RNF32: variants seen among roughly 807,000 people sequenced by gnomAD.
RNF32 encodes the protein ring finger protein 32.
Under a neutral mutation model 41.0 loss-of-function variants are expected in RNF32, and 36 were observed. That is an observed-to-expected ratio of 0.88 (90% CI 0.67 to 1.16). The LOEUF (loss-of-function observed/expected upper bound fraction) is 1.16. Ranked by LOEUF, RNF32 falls within the 50% of genes most tolerant of loss-of-function variation. The probability of loss-of-function intolerance (pLI) is 0.00; values close to 1 mark genes in which losing one functional copy is unlikely to be tolerated. For synonymous variants in RNF32, 154 were observed against 160.9 expected, an observed-to-expected ratio of 0.96 and a Z score of 0.32; for missense variants, 413 against 436.7, an observed-to-expected ratio of 0.95 and a Z score of 0.48.
intron 1 of RNF32, among the ~76,000 whole-genome samples, chr7:156,641,365 C>G (rs1390337049): frequency 6.6e-6 from 1 of 152,196 alleles, no homozygotes; most frequent in African/African-American, 2.4e-5. Context: ...CCACCAAGCT[C>G]TGCCTCTTGA....
At position 156,677,067 on chromosome 7, in the gene RNF32, T is replaced by C. The variant is rs1052371016; in HGVS notation, c.*412T>C. The stretch of plus-strand genomic sequence containing the variant: ...ATTCCTAATACTCGTTTTGTAATAA[T>C]TGCTGTATTTCTGTGTAATAAAATA... On this transcript the variant is annotated 3_prime_UTR_variant, in exon 9 of 9. Coordinates refer to ENST00000317955, the MANE Select transcript of RNF32 (RefSeq NM_030936.4). 1.9e-5 allele frequency: 3 copies of C among 161,452 alleles called. No individual in the cohort carries two copies. Among genetic ancestry groups the C allele is most frequent in the Admixed American group, 5.8e-5 (1 of 17,164 alleles). 10.0% of individuals were successfully genotyped at this position (161,452 alleles called of 1,614,324 possible). A position where few individuals can be genotyped will look rare whatever the true frequency, so the allele number is the denominator to read the frequency against.
intron 7 of RNF32, among the ~76,000 whole-genome samples, chr7:156,668,641 C>T (rs1801763636): frequency 6.6e-6 from 1 of 152,260 alleles, no homozygotes; most frequent in Admixed American, 6.5e-5. Context: ...CCCTCCCTCA[C>T]TCCGTGTCTC....
At chr7:156,655,311 A>C (rs1799473348) in intron 4 of RNF32, among the ~76,000 whole-genome samples, 3 of 148,752 alleles carry the variant, frequency 2.0e-5, no homozygotes, top group Non-Finnish European at 3.0e-5. Context: ...GAGAGAGAGA[A>C]TGCATATAGG....
Position 156,673,833 on chromosome 7 carries a change from T to C in RNF32, c.685-1863T>C, listed in dbSNP as rs563385188. 9.9e-5 allele frequency among the ~76,000 whole-genome samples: 15 copies of C among 151,960 alleles called. No individual in the cohort carries two copies. In the South Asian group the frequency reaches 2.9e-3, roughly 29 times the overall value. On this transcript the variant is annotated intron_variant, in intron 7 of 8. Coordinates refer to ENST00000317955, the MANE Select transcript of RNF32 (RefSeq NM_030936.4). The stretch of plus-strand genomic sequence containing the variant: ...GGGAGAGAATTGGAAGAGAACTCCA[T>C]GTCCTCAAAGGCACCTTCAGAAGTC...
intron 4 of RNF32, among the ~76,000 whole-genome samples, chr7:156,656,775 G>C (rs1799745792): frequency 6.6e-6 from 1 of 152,220 alleles, no homozygotes; most frequent in Non-Finnish European, 1.5e-5. Flanking sequence ...CCACCGCTTT[G>C]CTCAGTCTCA....
chr7:156,644,798 T>TA (rs1175834840), intron 3 of RNF32, 41 bp downstream of exon 3: 9 of 1,562,788 alleles, frequency 5.8e-6, no homozygotes, highest in Admixed American at 4.3e-5. Flanking sequence ...TTATTAGGGC[T>TA]AAAAAAATCT....
rs147213817 is a variant in RNF32, at chr7:156,657,046, A to G, written c.418-495A>G. Among the ~76,000 whole-genome samples the G allele has an allele frequency of 8.0e-3, 1,224 of 152,370 alleles. 17 individuals are homozygous for G. Among genetic ancestry groups the G allele is most frequent in the African/African-American group, 0.028 (1,169 of 41,576 alleles). ...TGAGCACACTTTCCCTGCATTTAAA[A>G]AAGAAAAAAGACTCCATGATTTGTT... On this transcript the variant is annotated intron_variant, in intron 4 of 8. Coordinates refer to ENST00000317955, the MANE Select transcript of RNF32 (RefSeq NM_030936.4).
Position 156,658,116 on chromosome 7 carries a change from G to GT in RNF32, c.451-7dup, listed in dbSNP as rs778708337. On this transcript the variant is annotated splice_polypyrimidine_tract_variant and intron_variant, in intron 5 of 8. Transcript: ENST00000317955. The stretch of plus-strand genomic sequence containing the variant: ...TTACTTGTAAAATTTTAAGTGAAAT[G>GT]TTTTTCTTCAGGCATGTCTTCAGGC... 1.2e-6 allele frequency: 2 copies of GT among 1,607,716 alleles called. No homozygotes were observed. The highest frequency in any genetic ancestry group is 8.5e-7 in the Non-Finnish European group (1 of 1,177,908).
Position 156,658,296 on chromosome 7 carries a change from G to A in RNF32, c.575+44G>A, listed in dbSNP as rs544084162. On this transcript the variant is annotated intron_variant, in intron 6 of 8. Coordinates refer to ENST00000317955, the MANE Select transcript of RNF32 (RefSeq NM_030936.4). ...TTTGGCGCTAAGCAGACACAGATCA[G>A]GCTATGACAACTAACTTGTTTTTTG... The A allele has an allele frequency of 2.5e-6, 4 of 1,599,640 alleles. No homozygotes were observed. In the Admixed American group the frequency reaches 5.4e-5, roughly 21 times the overall value.
intron 5 of RNF32, chr7:156,657,793 T>C: frequency 3.3e-6 from 2 of 611,344 alleles, no homozygotes; most frequent in Non-Finnish European, 5.8e-6. Context: ...ATGTAACAGA[T>C]TGTTGTCAGT....
intron 7 of RNF32, chr7:156,660,309 A>G (rs1215848810): frequency 1.0e-6 from 1 of 982,442 alleles, no homozygotes; most frequent in African/African-American, 1.7e-5. Flanking sequence ...AAACAACACC[A>G]TCTAAGAGAT....
chr7:156,658,083 A>G lies in RNF32; in HGVS notation c.451-45A>G, dbSNP rs375353466. 36 of 1,578,298 alleles carry G rather than the reference A, an allele frequency of 2.3e-5. 1 individual carries two copies. Among genetic ancestry groups the G allele is most frequent in the Middle Eastern group, 3.4e-4 (2 of 5,946 alleles). ...AACATTGGAAGTAAAAACGTTGTTTATAAGTAATTACTTGTAAAATTTTAA... is the reference window on the plus strand; with the variant it reads ...AACATTGGAAGTAAAAACGTTGTTTGTAAGTAATTACTTGTAAAATTTTAA... On this transcript the variant is annotated intron_variant, in intron 5 of 8. Transcript: ENST00000317955.
Position 156,676,468 on chromosome 7 carries a change from C to T in RNF32, c.902C>T (p.Ser301Phe), listed in dbSNP as rs764645115. The stretch of plus-strand genomic sequence containing the variant: ...TGCTCCATCTGCCTGGCCCCTCTCT[C>T]CGCTGCTGGCGGTCAGCGCGTGGGT... ...HECSICLAPL[S>F]AAGGQRVGAG... Residue 301 changes from serine (S) to phenylalanine (F), a missense_variant, in exon 9 of 9, where the codon TCC (serine) becomes TTC (phenylalanine). By Grantham distance (155) the Ser-to-Phe change is radical. Transcript: ENST00000317955. 2.2e-5 allele frequency: 36 copies of T among 1,614,098 alleles called. 2 individuals are homozygous for T. The South Asian group carries it at 3.8e-4, about 17-fold the overall frequency.
At position 156,677,000 on chromosome 7, in the gene RNF32, T is replaced by C; in HGVS notation, c.*345T>C. 4.6e-6 allele frequency: 1 copy of C among 215,542 alleles called. No homozygotes were observed. Among genetic ancestry groups the C allele is most frequent in the East Asian group, 1.1e-4 (1 of 9,366 alleles). The allele number at this position is 215,542 out of a possible 1,614,324, so 13.4% of individuals were successfully genotyped here. On this transcript the variant is annotated 3_prime_UTR_variant, in exon 9 of 9. Transcript: ENST00000317955. ...TCCAAATGTAAAACACTCCTTAAGT[T>C]CCAAATGTTTTCCGCTAATAGTCTG...
At position 156,675,869 on chromosome 7, in the gene RNF32, T is replaced by A. The variant is rs566449338; in HGVS notation, c.852+6T>A. 3 of 1,609,882 alleles carry A rather than the reference T, an allele frequency of 1.9e-6. No homozygotes were observed. The South Asian group carries it at 3.3e-5, about 18-fold the overall frequency. On this transcript the variant is annotated splice_donor_region_variant and intron_variant, in intron 8 of 8. Transcript: ENST00000317955. ...GGGAGAAAATCCAAGTGCAGGTAGGTTTGGCTGGCAGCCTGGCAACCAGCA... is the reference window on the plus strand; with the variant it reads ...GGGAGAAAATCCAAGTGCAGGTAGGATTGGCTGGCAGCCTGGCAACCAGCA...
intron 1 of RNF32, among the ~76,000 whole-genome samples, chr7:156,641,789 C>T (rs1463096042): frequency 6.6e-6 from 1 of 152,194 alleles, no homozygotes; most frequent in African/African-American, 2.4e-5. Context: ...AAAATTCTGG[C>T]AGTGATCTTT....
At chr7:156,640,471 TCCCGAACACCCCCGCCAGGCGATC>T, upstream of RNF32, 1 of 360,622 alleles carries the variant, frequency 2.8e-6, no homozygotes, top group Non-Finnish European at 5.4e-6. Context: ...AGCCCGCGGC[TCCCGAACACCCCCGCCAGGCGATC>T]CCCAAAAACG....
intron 7 of RNF32, among the ~76,000 whole-genome samples, chr7:156,661,495 T>G (rs1800664035): frequency 1.3e-5 from 2 of 152,088 alleles, no homozygotes; most frequent in Admixed American, 1.3e-4. Flanking sequence ...AATTTTTGTA[T>G]TTTTTAGTAG....
intron 1 of RNF32, among the ~76,000 whole-genome samples, chr7:156,641,272 C>T (rs1797271018): frequency 6.6e-6 from 1 of 152,142 alleles, no homozygotes; most frequent in South Asian, 2.1e-4. Flanking sequence ...ATCTTTACGT[C>T]GTAGGCTTGG....
Sources: allele counts gnomAD v4.1 joint callset (sites outside exome capture counted in the v4.1 genomes callset), GRCh38; gene constraint gnomAD v4.1.1; transcripts MANE v1.5; gene names NCBI Gene and HGNC (gene_info 2026-07-23, HGNC 2026-07-21).